CBFB: variants seen among roughly 807,000 people sequenced by gnomAD.
CBFB encodes the protein CBF-beta.
In CBFB, 9 loss-of-function variants were observed where a neutral mutation model predicts 30.4. That is an observed-to-expected ratio of 0.30 (90% CI 0.18 to 0.52). The LOEUF (loss-of-function observed/expected upper bound fraction) is 0.52, where lower values mean the gene tolerates loss of function less well. CBFB is among the 20% of genes least tolerant of loss of function. The probability of loss-of-function intolerance (pLI) is 0.97; values close to 1 mark genes in which losing one functional copy is unlikely to be tolerated. For synonymous variants in CBFB, 94 were observed against 84.0 expected (o/e 1.12, Z -0.65); for missense variants, 170 against 244.0 (o/e 0.70, Z 2.02).
intron 4 of CBFB, among the ~76,000 whole-genome samples, chr16:67,074,950 T>C (rs1017922950): frequency 1.3e-5 from 2 of 152,144 alleles, no homozygotes; most frequent in African/African-American, 4.8e-5. Context: ...CCCAACACTT[T>C]GGGTGGCCAA....
chr16:67,044,824 C>A (rs543982389), intron 3 of CBFB, among the ~76,000 whole-genome samples: 14 of 152,136 alleles, frequency 9.2e-5, no homozygotes, highest in Non-Finnish European at 1.8e-4. Context: ...CAAGAAGTTC[C>A]TTCTCTGTAG....
chr16:67,081,527 C>T (rs1483537409), intron 4 of CBFB, among the ~76,000 whole-genome samples: 1 of 151,924 alleles, frequency 6.6e-6, no homozygotes, highest in African/African-American at 2.4e-5. Context: ...AAAGGCTGGA[C>T]AAGGTGGCTT....
intron 5 of CBFB, among the ~76,000 whole-genome samples, chr16:67,095,060 G>T (rs1386084373): frequency 6.6e-6 from 1 of 151,510 alleles, no homozygotes; most frequent in Non-Finnish European, 1.5e-5. Flanking sequence ...TCTACTAAAA[G>T]TAAAAAAAGT....
At chr16:67,035,257 G>A (rs991803791) in intron 2 of CBFB, among the ~76,000 whole-genome samples, 2 of 151,916 alleles carry the variant, frequency 1.3e-5, no homozygotes, top group African/African-American at 4.8e-5. Flanking sequence ...CTAATTTTTT[G>A]TATTTTTAGT....
chr16:67,090,527 C>T (rs1056921158), intron 5 of CBFB, among the ~76,000 whole-genome samples: 8 of 152,156 alleles, frequency 5.3e-5, no homozygotes, highest in Admixed American at 3.3e-4. Context: ...AGATTTCATG[C>T]TCTGATCATA....
chr16:67,086,171 C>T (rs1289224119), intron 5 of CBFB, among the ~76,000 whole-genome samples: 1 of 152,150 alleles, frequency 6.6e-6, no homozygotes, highest in African/African-American at 2.4e-5. Context: ...GAATACAAGA[C>T]TTCCACACCA....
At chr16:67,042,293 C>T (rs745451209) in intron 3 of CBFB, among the ~76,000 whole-genome samples, 11 of 151,996 alleles carry the variant, frequency 7.2e-5, no homozygotes, top group Non-Finnish European at 1.5e-4. Context: ...CTGACTAGGA[C>T]GACAGATATT....
At chr16:67,033,812 C>T (rs1349206513) in intron 2 of CBFB, among the ~76,000 whole-genome samples, 1 of 141,312 alleles carries the variant, frequency 7.1e-6, no homozygotes, top group Non-Finnish European at 1.5e-5. Flanking sequence ...GACAGAGTTT[C>T]ACCGTTGTTT....
chr16:67,071,745 G>C (rs1349948207), intron 4 of CBFB, among the ~76,000 whole-genome samples: 1 of 152,210 alleles, frequency 6.6e-6, no homozygotes, highest in Admixed American at 6.5e-5. Flanking sequence ...GTAAAGGGCT[G>C]TGCCTAGCAC....
At position 67,100,263 on chromosome 16, in the gene CBFB, G is replaced by A. The variant is rs1597169059; in HGVS notation, c.*1485G>A. The A allele has an allele frequency of 4.5e-6, 1 of 220,128 alleles. No homozygotes were observed. The highest frequency in any genetic ancestry group is 2.2e-5 in the African/African-American group (1 of 44,640). The allele number at this position is 220,128 out of a possible 1,614,324, so 13.6% of individuals were successfully genotyped here. A position where few individuals can be genotyped will look rare whatever the true frequency, so the allele number is the denominator to read the frequency against. ...AGAAAATGGACTGAAGTCTGAATAA[G>A]GTCATTGCATTTAAAAAGCATATAA... On this transcript the variant is annotated 3_prime_UTR_variant, in exon 6 of 6. Transcript: ENST00000412916.
intron 4 of CBFB, among the ~76,000 whole-genome samples, chr16:67,067,935 G>A (rs894787188): frequency 2.6e-5 from 4 of 152,328 alleles, no homozygotes; most frequent in Non-Finnish European, 5.9e-5. Flanking sequence ...AAAGCTGTGT[G>A]CATGTACAAG....
intron 1 of CBFB, 113 bp from the exon 2 acceptor site, chr16:67,029,614 G>C: frequency 7.6e-7 from 1 of 1,307,922 alleles, no homozygotes; most frequent in South Asian, 1.3e-5. Context: ...ATCTCGCCGG[G>C]GCGGCCATCG....
At chr16:67,058,022 A>G (rs1960780173) in intron 3 of CBFB, among the ~76,000 whole-genome samples, 1 of 152,140 alleles carries the variant, frequency 6.6e-6, no homozygotes, top group Non-Finnish European at 1.5e-5. Flanking sequence ...CATTATTTTG[A>G]TATTTCAGAT....
At chr16:67,054,013 C>T (rs1960641438) in intron 3 of CBFB, among the ~76,000 whole-genome samples, 1 of 151,972 alleles carries the variant, frequency 6.6e-6, no homozygotes, top group African/African-American at 2.4e-5. Flanking sequence ...CCCTCAGGAT[C>T]TTGGTGATGA....
intron 3 of CBFB, among the ~76,000 whole-genome samples, chr16:67,060,423 A>C (rs1960875695): frequency 6.6e-6 from 1 of 152,180 alleles, no homozygotes; most frequent in South Asian, 2.1e-4. Context: ...ACCATAAAGA[A>C]ATCCCATACA....
At chr16:67,056,553 C>T (rs1261973462) in intron 3 of CBFB, among the ~76,000 whole-genome samples, 1 of 152,012 alleles carries the variant, frequency 6.6e-6, no homozygotes, top group Non-Finnish European at 1.5e-5. Context: ...TTTTCTTTAC[C>T]CAGTATTTAC....
At chr16:67,064,249 C>T (rs1300770527) in intron 3 of CBFB, among the ~76,000 whole-genome samples, 1 of 152,188 alleles carries the variant, frequency 6.6e-6, no homozygotes, top group East Asian at 1.9e-4. Context: ...CTTTGTCACC[C>T]AGGCTGGAGT....
chr16:67,033,819 GTTT>G (rs573801388), intron 2 of CBFB, among the ~76,000 whole-genome samples: 5 of 91,710 alleles, frequency 5.5e-5, no homozygotes, highest in South Asian at 7.2e-4. Context: ...TTTCACCGTT[GTTT>G]TTTTTTTTTT....
At chr16:67,087,014 G>A (rs1396939826) in intron 5 of CBFB, among the ~76,000 whole-genome samples, 1 of 152,042 alleles carries the variant, frequency 6.6e-6, no homozygotes, top group Non-Finnish European at 1.5e-5. Flanking sequence ...ATTCTGGGCA[G>A]GACAAACAGT....
Sources: allele counts gnomAD v4.1 joint callset (sites outside exome capture counted in the v4.1 genomes callset), GRCh38; gene constraint gnomAD v4.1.1; transcripts MANE v1.5; gene names NCBI Gene and HGNC (gene_info 2026-07-23, HGNC 2026-07-21).